Variants in NOL10 observed in about 807,000 individuals in gnomAD.
NOL10 encodes H_NH0074G24.1.
NOL10 carries 58 observed loss-of-function variants against 103.5 expected under a neutral mutation model. That is an observed-to-expected ratio of 0.56 (90% CI 0.45 to 0.70). NOL10 has a LOEUF of 0.70. NOL10 is among the 30% of genes least tolerant of loss of function. The pLI, the probability that NOL10 is intolerant of heterozygous loss-of-function variation, is 0.00. For synonymous variants in NOL10, 287 were observed against 282.5 expected (o/e 1.02, Z -0.16); for missense variants, 763 against 807.3 (o/e 0.95, Z 0.67).
chr2:10,605,483 T>C lies in NOL10; in HGVS notation c.1153+1702A>G, dbSNP rs542991351. Among the ~76,000 whole-genome samples, 34 of 152,338 alleles carry C rather than the reference T, an allele frequency of 2.2e-4. No homozygotes were observed. The South Asian group carries it at 7.1e-3, about 32-fold the overall frequency. On this transcript the variant is annotated intron_variant, in intron 14 of 20. Coordinates refer to ENST00000381685, the MANE Select transcript of NOL10 (RefSeq NM_024894.4). Reference sequence around the variant, plus strand: ...CATCAAAAGATATTAGTAATATACATAAAATGCTTTCTAGTATAACTGTCA... The same window carrying C: ...CATCAAAAGATATTAGTAATATACACAAAATGCTTTCTAGTATAACTGTCA...
At chr2:10,576,617 A>C (rs1250088249) in intron 20 of NOL10, among the ~76,000 whole-genome samples, 1 of 152,262 alleles carries the variant, frequency 6.6e-6, no homozygotes, top group African/African-American at 2.4e-5. Context: ...GCTATGAAAG[A>C]CTTCACATTG....
At chr2:10,580,140 G>A (rs1425455817) in intron 19 of NOL10, among the ~76,000 whole-genome samples, 3 of 152,316 alleles carry the variant, frequency 2.0e-5, no homozygotes, top group East Asian at 3.9e-4. Context: ...TACTGAAAGC[G>A]TTTGCTAACC....
chr2:10,573,709 G>C (rs546422296), intron 20 of NOL10, among the ~76,000 whole-genome samples: 8 of 149,524 alleles, frequency 5.4e-5, no homozygotes, highest in African/African-American at 2.0e-4. Flanking sequence ...TTCTTAAACC[G>C]GGTTTCTGCA....
intron 9 of NOL10, among the ~76,000 whole-genome samples, chr2:10,660,196 CACCTGTGGGA>C (rs1159588694): frequency 1.3e-5 from 2 of 152,194 alleles, no homozygotes; most frequent in Non-Finnish European, 2.9e-5. Flanking sequence ...TGCGCTGGGG[CACCTGTGGGA>C]ACCTCGAAGC....
At chr2:10,641,412 C>T (rs934321836) in intron 13 of NOL10, among the ~76,000 whole-genome samples, 3 of 150,430 alleles carry the variant, frequency 2.0e-5, no homozygotes, top group Non-Finnish European at 4.4e-5. Context: ...AACTAAAAAA[C>T]AATACATCCA....
At chr2:10,621,915 C>T (rs903170095) in intron 13 of NOL10, 2 of 376,460 alleles carry the variant, frequency 5.3e-6, no homozygotes, top group Non-Finnish European at 1.1e-5. Flanking sequence ...TAGTTTAGAG[C>T]TATGCTGCCC....
intron 14 of NOL10, chr2:10,604,743 A>T (rs1433969056): frequency 3.3e-5 from 5 of 152,240 alleles, no homozygotes; most frequent in Admixed American, 3.3e-4. Context: ...TTTCATAGCG[A>T]AACAGTCCTA....
At position 10,589,207 on chromosome 2, in the gene NOL10, C is replaced by G. The variant is rs766981641; in HGVS notation, c.1680G>C (p.Glu560Asp). The G allele has an allele frequency of 2.5e-6, 4 of 1,613,972 alleles. No individual in the cohort carries two copies. Among genetic ancestry groups the G allele is most frequent in the Non-Finnish European group, 3.4e-6 (4 of 1,179,882 alleles). ...GGAGGAGTCTGCGTTGCTTCCTGAC[C>G]TCTTCAACCCAGGCTTTTTCATCAT... ...SSDDEKAWVE[E>D]VRKQRRLLQQ... Residue 560 changes from glutamate (E) to aspartate (D), a missense_variant, in exon 19 of 21, where the codon GAG (glutamate) becomes GAC (aspartate). Transcript: ENST00000381685.
At chr2:10,674,387 A>G (rs115713219) in intron 4 of NOL10, among the ~76,000 whole-genome samples, 237 of 152,292 alleles carry the variant, frequency 1.6e-3, no homozygotes, top group African/African-American at 5.5e-3. Context: ...CTTCAGTGCC[A>G]TTCAAAATTC....
At chr2:10,673,084 A>G (rs904422970) in intron 5 of NOL10, among the ~76,000 whole-genome samples, 1 of 152,214 alleles carries the variant, frequency 6.6e-6, no homozygotes, top group Non-Finnish European at 1.5e-5. Context: ...AGAATATACC[A>G]CAACCATTTG....
chr2:10,579,473 C>T lies in NOL10; in HGVS notation c.1845-1735G>A, dbSNP rs951751876. ...AGTGTCAGGCCATACTTGATTTACA[C>T]AGTTTTGTTCAGGAAACTTGTCCAT... On this transcript the variant is annotated intron_variant, in intron 19 of 20. Coordinates refer to ENST00000381685, the MANE Select transcript of NOL10 (RefSeq NM_024894.4). Among the ~76,000 whole-genome samples, 7 of 152,046 alleles carry T rather than the reference C, an allele frequency of 4.6e-5. 1 individual carries two copies. The South Asian group carries it at 6.2e-4, about 14-fold the overall frequency.
chr2:10,641,699 C>T (rs953605161), intron 13 of NOL10, among the ~76,000 whole-genome samples: 5 of 152,202 alleles, frequency 3.3e-5, no homozygotes, highest in African/African-American at 2.4e-5. Context: ...TGGTCCTTTC[C>T]TATTCCTTAC....
chr2:10,643,869 G>A (rs148335746), intron 13 of NOL10, among the ~76,000 whole-genome samples: 1 of 152,208 alleles, frequency 6.6e-6, no homozygotes, highest in African/African-American at 2.4e-5. Context: ...ACTGGCTCCA[G>A]AAAGCAAATT....
chr2:10,641,097 G>C (rs538198822), intron 13 of NOL10, among the ~76,000 whole-genome samples: 1 of 150,368 alleles, frequency 6.7e-6, no homozygotes, highest in Non-Finnish European at 1.5e-5. Flanking sequence ...GAGGCAGGTG[G>C]ATCACATGAG....
chr2:10,642,597 G>A (rs1490155955), intron 13 of NOL10, among the ~76,000 whole-genome samples: 1 of 152,030 alleles, frequency 6.6e-6, no homozygotes. Flanking sequence ...AGCCATGGGA[G>A]GTACTTGCTC....
chr2:10,641,941 G>A (rs193062648), intron 13 of NOL10, among the ~76,000 whole-genome samples: 131 of 152,302 alleles, frequency 8.6e-4, no homozygotes, highest in Non-Finnish European at 1.1e-3. Context: ...CTGCCCACTA[G>A]TTGATTCTAT....
At chr2:10,601,065 TTTA>T in intron 16 of NOL10, 123 bp from the exon 17 acceptor site, 1 of 595,120 alleles carries the variant, frequency 1.7e-6, no homozygotes, top group Admixed American at 3.5e-5. Flanking sequence ...TAATTCTTAT[TTTA>T]TTATTTTTTT....
At chr2:10,599,732 C>T (rs978240490) in intron 17 of NOL10, among the ~76,000 whole-genome samples, 1 of 152,108 alleles carries the variant, frequency 6.6e-6, no homozygotes, top group African/African-American at 2.4e-5. Flanking sequence ...CAGAAGACAG[C>T]AAGGGGGAGT....
chr2:10,600,867 T>C lies in NOL10; in HGVS notation c.1408A>G (p.Lys470Glu). The change falls in exon 17 of 21, where the codon AAA becomes GAA. Residue 470 changes from lysine (K) to glutamate (E), a missense_variant. Coordinates refer to ENST00000381685, the MANE Select transcript of NOL10 (RefSeq NM_024894.4). ...TTTCACCTTACCTTAACTTTCTTTT[T>C]CCATGTAGATTTCTGCTTCTCCTCT... ...EEEEKQKSTW[K>E]KKVKSLPNIL... is the part of the protein sequence containing the mutation. 2 of 1,552,452 alleles carry C rather than the reference T, an allele frequency of 1.3e-6. No homozygotes were observed. The highest frequency in any genetic ancestry group is 8.7e-7 in the Non-Finnish European group (1 of 1,146,676).
Sources: gnomAD v4.1 joint callset for allele counts (sites outside exome capture counted in the v4.1 genomes callset) on GRCh38, gnomAD v4.1.1 for gene constraint, MANE v1.5 for transcripts, NCBI Gene and HGNC (gene_info 2026-07-23, HGNC 2026-07-21) for gene names.